Variants in STAG3 observed in about 807,000 individuals in gnomAD.
The protein encoded by STAG3 is cohesin subunit SA-3.
STAG3 carries 101 observed loss-of-function variants against 160.7 expected under a neutral mutation model. The ratio of observed to expected loss-of-function variants is 0.63; its 90% CI spans 0.54 to 0.74. The LOEUF (loss-of-function observed/expected upper bound fraction) is 0.74. Ranked by LOEUF, STAG3 falls within the 30% of genes least tolerant of loss-of-function variation. The probability of loss-of-function intolerance (pLI) is 0.00; values close to 1 mark genes in which losing one functional copy is unlikely to be tolerated. For synonymous variants in STAG3, 519 were observed against 585.0 expected, an observed-to-expected ratio of 0.89 and a Z score of 1.63; for missense variants, 1,188 against 1,517.4, an observed-to-expected ratio of 0.78 and a Z score of 3.61.
intron 4 of STAG3, among the ~76,000 whole-genome samples, chr7:100,184,449 T>C (rs1428547888): frequency 1.3e-5 from 2 of 149,838 alleles, no homozygotes; most frequent in Admixed American, 1.4e-4. Context: ...TATATGCAGT[T>C]GTACAGCGTG....
rs1438525491 is a variant in STAG3, at chr7:100,199,608, G to C, written c.1641G>C (p.Glu547Asp). The change falls in exon 16 of 34, where the codon GAG (glutamate) becomes GAC (aspartate). Residue 547 changes from glutamate to aspartate, a missense_variant. Physicochemically the swap from Glu to Asp is conservative, Grantham distance 45. Transcript: ENST00000615138. ...ILVSSARQAS[E>D]GHPPVGRVTG... ...TGTCCAGTGCCCGGCAAGCTTCAGA[G>C]GGGCACCCGCCTGTGGGCCGGGTCA... The C allele has an allele frequency of 6.3e-7, 1 of 1,585,284 alleles. No homozygotes were observed.
intron 4 of STAG3, among the ~76,000 whole-genome samples, chr7:100,184,227 C>T (rs1238420761): frequency 5.3e-5 from 8 of 150,670 alleles, no homozygotes; most frequent in South Asian, 2.1e-4. Flanking sequence ...GATTGTGCCA[C>T]GGCACTCCAG....
chr7:100,215,008 A>G (rs1802638781), downstream of STAG3: 1 of 151,936 alleles, frequency 6.6e-6, no homozygotes, highest in Non-Finnish European at 1.5e-5. Flanking sequence ...CAGCCTCTTG[A>G]AACTCAGACA....
intron 29 of STAG3, among the ~76,000 whole-genome samples, chr7:100,208,935 A>G (rs1312464314): frequency 6.6e-6 from 1 of 152,206 alleles, no homozygotes; most frequent in Non-Finnish European, 1.5e-5. Flanking sequence ...ACTTAGGCAC[A>G]TTACAATTTT....
At chr7:100,204,496 A>T in intron 26 of STAG3, 131 bp from the exon 27 acceptor site, 1 of 1,133,926 alleles carries the variant, frequency 8.8e-7, no homozygotes, top group Non-Finnish European at 1.2e-6. Context: ...CCCTAGAAGG[A>T]AGGAAAGAGT....
In STAG3 at chr7:100,182,101, CTT is replaced by C. The variant is rs1294447058; in HGVS notation, c.130_131del (p.Leu44ValfsTer3). 1.2e-6 allele frequency: 2 copies of C among 1,613,652 alleles called. No homozygotes were observed. The highest frequency in any genetic ancestry group is 2.2e-5 in the East Asian group (1 of 44,890). ...ATACTTTCTCACAGGAATGGCGACT[CTT>C]TGTTAGCTGATGAAGACACTGACTT... is the stretch of plus-strand genomic sequence containing the variant. On this transcript the variant is annotated frameshift_variant, in exon 3 of 34. Transcript: ENST00000615138. LOFTEE classifies it high-confidence loss of function.
chr7:100,216,310 G>GTA (rs146090643), downstream of STAG3, among the ~76,000 whole-genome samples: 4,802 of 151,998 alleles, frequency 0.032, 117 homozygotes, highest in South Asian at 0.089. Context: ...TTAAAAAATT[G>GTA]TAAGTTATAT....
rs187736870 is a variant in STAG3 at position 100,201,592 on chromosome 7, A to C, written c.2221-194A>C. On this transcript the variant is annotated intron_variant, in intron 21 of 33. Coordinates refer to ENST00000615138, the MANE Select transcript of STAG3 (RefSeq NM_001282717.2). ...GAGGGATTCTAGAAGACGTAGAGTA[A>C]ATTAGGGAGCGGTGACATTTCTACT... is the stretch of plus-strand genomic sequence containing the variant. 5.0e-5 allele frequency: 32 copies of C among 637,882 alleles called. No homozygotes were observed. In the African/African-American group the frequency reaches 5.5e-4, roughly 11 times the overall value. 39.5% of individuals were successfully genotyped at this position (637,882 alleles called of 1,614,324 possible). A position where few individuals can be genotyped will look rare whatever the true frequency, so the allele number is the denominator to read the frequency against.
At chr7:100,217,063 C>G (rs564956662), downstream of STAG3, among the ~76,000 whole-genome samples, 1 of 152,338 alleles carries the variant, frequency 6.6e-6, no homozygotes, top group African/African-American at 2.4e-5. Flanking sequence ...GTTTGCCTCT[C>G]TTCCCTCACA....
intron 8 of STAG3, among the ~76,000 whole-genome samples, chr7:100,189,865 G>A (rs529491206): frequency 6.6e-6 from 1 of 151,270 alleles, no homozygotes; most frequent in East Asian, 1.9e-4. Flanking sequence ...TGTTAGGAGT[G>A]TTTAAGTGCT....
chr7:100,204,935 A>G (rs1801497294), intron 27 of STAG3, 70 bp from the exon 28 acceptor site: 1 of 1,584,122 alleles, frequency 6.3e-7, no homozygotes, highest in Admixed American at 1.7e-5. Flanking sequence ...GTGCATTTGG[A>G]CAGGATAGCT....
chr7:100,217,947 C>T (rs1446101490), downstream of STAG3, among the ~76,000 whole-genome samples: 3 of 150,498 alleles, frequency 2.0e-5, no homozygotes, highest in African/African-American at 4.9e-5. Flanking sequence ...TGGCTGTGGG[C>T]GGGCCTGACT....
chr7:100,188,002 C>T (rs1298430515), intron 5 of STAG3, among the ~76,000 whole-genome samples: 1 of 152,090 alleles, frequency 6.6e-6, no homozygotes, highest in Non-Finnish European at 1.5e-5. Context: ...GTGATTCACC[C>T]ACCTTGGCCT....
chr7:100,201,289 C>T lies in STAG3; in HGVS notation c.2158C>T (p.Leu720Phe). The T allele has an allele frequency of 6.2e-7, 1 of 1,614,148 alleles. No individual in the cohort carries two copies. The highest frequency in any genetic ancestry group is 8.5e-7 in the Non-Finnish European group (1 of 1,180,026). ...YNTHDLTRWE[L>F]YEPCCQLLQK... is the part of the protein sequence containing the mutation. ...CACTCATGACCTGACTCGCTGGGAG[C>T]TCTATGAGCCATGTTGCCAACTCCT... is the stretch of plus-strand genomic sequence containing the variant. Residue 720 changes from leucine (L) to phenylalanine (F), a missense_variant, in exon 21 of 34, where the codon CTC (leucine) becomes TTC (phenylalanine). Leu to Phe is a conservative substitution (Grantham distance 22). Around this residue, in one of 4 missense-constraint regions of STAG3, gnomAD observed 647 missense variants for 717.2 expected, o/e 0.90. Coordinates refer to ENST00000615138, the MANE Select transcript of STAG3 (RefSeq NM_001282717.2).
chr7:100,205,194 C>A, intron 28 of STAG3, 33 bp from the exon 29 acceptor site: 1 of 1,613,264 alleles, frequency 6.2e-7, no homozygotes. Context: ...GCCCAGTAGC[C>A]CCTTCAGGCT....
At chr7:100,218,038 C>T (rs1802920477), downstream of STAG3, among the ~76,000 whole-genome samples, 2 of 150,010 alleles carry the variant, frequency 1.3e-5, no homozygotes, top group South Asian at 4.3e-4. Context: ...CTTTCCCGGT[C>T]TGCTAAGTAA....
At chr7:100,178,953 C>G (rs549903924) in intron 1 of STAG3, among the ~76,000 whole-genome samples, 46 of 151,850 alleles carry the variant, frequency 3.0e-4, no homozygotes, top group African/African-American at 9.2e-4. Flanking sequence ...TTCATTCTGC[C>G]GAGTAGCTGG....
At chr7:100,210,064 TGGG>T (rs1289077537) in intron 29 of STAG3, among the ~76,000 whole-genome samples, 1 of 152,140 alleles carries the variant, frequency 6.6e-6, no homozygotes, top group African/African-American at 2.4e-5. Context: ...CGTGAGTGGC[TGGG>T]GAAGCCAGTG....
intron 9 of STAG3, 115 bp from the exon 10 acceptor site, chr7:100,197,041 G>A: frequency 2.3e-6 from 2 of 870,426 alleles, no homozygotes; most frequent in Non-Finnish European, 1.9e-6. Flanking sequence ...AAGGCATGGG[G>A]TACATGGCAT....
Sources: gnomAD v4.1 joint callset for allele counts (sites outside exome capture counted in the v4.1 genomes callset) on GRCh38, gnomAD v4.1.1 for gene constraint, gnomAD v4.1.1 regional missense constraint, MANE v1.5 for transcripts, NCBI Gene and HGNC (gene_info 2026-07-23, HGNC 2026-07-21) for gene names.